The following ARHGAP21 variants were observed in gnomAD, a reference collection of about 807,000 sequenced individuals.
ARHGAP21 encodes Rho GTPase activating protein 21.
In ARHGAP21, 38 loss-of-function variants were observed where a neutral mutation model predicts 164.6. The ratio of observed to expected loss-of-function variants is 0.23; its 90% confidence interval spans 0.18 to 0.30. The LOEUF (loss-of-function observed/expected upper bound fraction) is 0.30. Among genes scored for constraint, ARHGAP21 ranks in the 10% least tolerant of loss-of-function variants. The pLI is 1.00. For missense variants in ARHGAP21, 1,822 were observed against 2,370.7 expected, an observed-to-expected ratio of 0.77 and a Z score of 4.81; for synonymous variants, 766 against 857.9, an observed-to-expected ratio of 0.89 and a Z score of 1.87.
At chr10:24,673,957 A>G (rs1233547591) in intron 2 of ARHGAP21, among the ~76,000 whole-genome samples, 1 of 152,254 alleles carries the variant, frequency 6.6e-6, no homozygotes, top group Non-Finnish European at 1.5e-5. Context: ...TTATGAACTT[A>G]GGTCAAGATT....
intron 17 of ARHGAP21, chr10:24,596,473 C>T (rs2076585575): frequency 1.8e-6 from 1 of 540,820 alleles, no homozygotes; most frequent in Non-Finnish European, 3.2e-6. Context: ...TTTTAAAATG[C>T]TAAAAGCAGA....
chr10:24,682,965 G>A lies in ARHGAP21; in HGVS notation c.64-12568C>T, dbSNP rs373225065. On this transcript the variant is annotated intron_variant, in intron 2 of 25. Transcript: ENST00000396432. Reference sequence around the variant, plus strand: ...CAAAAAATTAGCCAGGCGTGGTGGCGGACACCTGTGGTCCCAGCTGCTTGA... The same window carrying A: ...CAAAAAATTAGCCAGGCGTGGTGGCAGACACCTGTGGTCCCAGCTGCTTGA... Among the ~76,000 whole-genome samples the A allele has an allele frequency of 2.8e-4, 43 of 151,906 alleles. No individual in the cohort carries two copies. The East Asian group carries it at 5.2e-3, about 18-fold the overall frequency.
At chr10:24,593,504 C>T (rs2076430500) in intron 21 of ARHGAP21, among the ~76,000 whole-genome samples, 1 of 152,010 alleles carries the variant, frequency 6.6e-6, no homozygotes, top group Non-Finnish European at 1.5e-5. Flanking sequence ...AATATTTTAT[C>T]TGGGTAAACA....
intron 10 of ARHGAP21, 66 bp from the exon 11 acceptor site, chr10:24,607,667 A>G: frequency 6.2e-7 from 1 of 1,610,260 alleles, no homozygotes; most frequent in Non-Finnish European, 8.5e-7. Flanking sequence ...TTAACGGTGG[A>G]AACATCAGTT....
intron 2 of ARHGAP21, among the ~76,000 whole-genome samples, chr10:24,682,396 G>A (rs768710383): frequency 1.3e-5 from 2 of 152,246 alleles, no homozygotes; most frequent in East Asian, 3.9e-4. Context: ...TGAATAGGAA[G>A]GGAATAATAT....
At chr10:24,589,626 A>G in intron 24 of ARHGAP21, 1 of 243,904 alleles carries the variant, frequency 4.1e-6, no homozygotes, top group South Asian at 8.5e-5. Context: ...GCTTCAGGAC[A>G]GTGTAATAAT....
intron 2 of ARHGAP21, among the ~76,000 whole-genome samples, chr10:24,716,212 T>C (rs1412734471): frequency 6.6e-6 from 1 of 152,214 alleles, no homozygotes. Context: ...GTTCTAGATA[T>C]ATTACCTGTC....
chr10:24,607,917 G>A lies in ARHGAP21; in HGVS notation c.2423-14C>T. Reference sequence around the variant, plus strand: ...TAGTTGGTTCATCTGTAAGAAAAAAGGAAAATCAGAATGTTCAATGACCTA... The same window carrying A: ...TAGTTGGTTCATCTGTAAGAAAAAAAGAAAATCAGAATGTTCAATGACCTA... On this transcript the variant is annotated splice_polypyrimidine_tract_variant and intron_variant, in intron 9 of 25. Coordinates refer to ENST00000396432, the MANE Select transcript of ARHGAP21 (RefSeq NM_020824.4). 1.3e-6 allele frequency: 2 copies of A among 1,574,198 alleles called. No individual in the cohort carries two copies. Among genetic ancestry groups the A allele is most frequent in the South Asian group, 1.2e-5 (1 of 84,754 alleles).
chr10:24,623,069 C>T (rs1593064016), intron 7 of ARHGAP21, among the ~76,000 whole-genome samples: 1 of 152,124 alleles, frequency 6.6e-6, no homozygotes, highest in East Asian at 1.9e-4. Context: ...TGATAACATG[C>T]TACAAAGCTT....
At chr10:24,648,230 G>A (rs940008261) in intron 4 of ARHGAP21, among the ~76,000 whole-genome samples, 5 of 152,182 alleles carry the variant, frequency 3.3e-5, no homozygotes, top group African/African-American at 1.2e-4. Flanking sequence ...GAACAGGTAC[G>A]TCAGGAGGAA....
chr10:24,668,496 C>T (rs2131751446), intron 3 of ARHGAP21, among the ~76,000 whole-genome samples: 1 of 152,340 alleles, frequency 6.6e-6, no homozygotes, highest in East Asian at 1.9e-4. Flanking sequence ...TAGGCCCCAC[C>T]TCATGCCCTG....
chr10:24,655,244 G>A (rs1838691696), intron 4 of ARHGAP21, among the ~76,000 whole-genome samples: 1 of 152,088 alleles, frequency 6.6e-6, no homozygotes, highest in African/African-American at 2.4e-5. Context: ...CAAAAGCAAT[G>A]GCAACAAAAG....
At chr10:24,610,059 T>G (rs2077186764) in intron 9 of ARHGAP21, among the ~76,000 whole-genome samples, 1 of 152,178 alleles carries the variant, frequency 6.6e-6, no homozygotes, top group African/African-American at 2.4e-5. Context: ...CGTGTTAAAC[T>G]ACGTAATCAA....
intron 2 of ARHGAP21, among the ~76,000 whole-genome samples, chr10:24,720,182 C>G (rs1845788435): frequency 6.7e-6 from 1 of 148,368 alleles, no homozygotes; most frequent in African/African-American, 2.5e-5. Context: ...GTGCAACAAA[C>G]TGGAAATACT....
chr10:24,721,995 A>C lies in ARHGAP21; in HGVS notation c.-96T>G. ...CACACCCGAAGGGGAAGAATTCCAC[A>C]AGCAGGCTCCGAGGAGGGGCAGGGC... On this transcript the variant is annotated 5_prime_UTR_variant, in exon 2 of 26. Coordinates refer to ENST00000396432, the MANE Select transcript of ARHGAP21 (RefSeq NM_020824.4). 1 of 1,350,620 alleles carries C rather than the reference A, an allele frequency of 7.4e-7. No homozygotes were observed. The highest frequency in any genetic ancestry group is 1.2e-5 in the South Asian group (1 of 82,032). The allele number at this position is 1,350,620 out of a possible 1,614,324, so 83.7% of individuals were successfully genotyped here. A position where few individuals can be genotyped will look rare whatever the true frequency, so the allele number is the denominator to read the frequency against.
chr10:24,666,891 C>A, intron 4 of ARHGAP21, 94 bp downstream of exon 4: 1 of 943,136 alleles, frequency 1.1e-6, no homozygotes, highest in Non-Finnish European at 1.6e-6. Flanking sequence ...ATTTGAACAC[C>A]AAAAATTATA....
chr10:24,685,237 T>C (rs950534013), intron 2 of ARHGAP21, among the ~76,000 whole-genome samples: 5 of 152,216 alleles, frequency 3.3e-5, no homozygotes, highest in African/African-American at 9.6e-5. Context: ...AGCCAAATGA[T>C]GGAAAGAAAT....
intron 2 of ARHGAP21, among the ~76,000 whole-genome samples, chr10:24,709,671 C>T (rs1390321260): frequency 2.0e-5 from 3 of 150,856 alleles, no homozygotes; most frequent in South Asian, 2.1e-4. Flanking sequence ...GCCAGCAGGT[C>T]GAGGCTACAG....
At chr10:24,590,138 G>C in intron 24 of ARHGAP21, 1 of 1,317,428 alleles carries the variant, frequency 7.6e-7, no homozygotes, top group Non-Finnish European at 9.8e-7. Context: ...AATGAGCTGA[G>C]CCCCATGCCA....
Sources: allele counts gnomAD v4.1 joint callset (sites outside exome capture counted in the v4.1 genomes callset), GRCh38; gene constraint gnomAD v4.1.1; transcripts MANE v1.5; gene names NCBI Gene and HGNC (gene_info 2026-07-23, HGNC 2026-07-21).